The following PDE4D variants were observed in gnomAD, a reference collection of about 807,000 sequenced individuals.
PDE4D encodes the protein phosphodiesterase 4D.
A neutral mutation model predicts 87.4 loss-of-function variants in PDE4D; 24 were observed. The ratio of observed to expected loss-of-function variants is 0.27; its 90% confidence interval spans 0.20 to 0.39. PDE4D has a LOEUF of 0.39. PDE4D is among the 10% of genes least tolerant of loss of function. The pLI, the probability that PDE4D is intolerant of heterozygous loss-of-function variation, is 1.00. For synonymous variants in PDE4D, 384 were observed against 383.2 expected (o/e 1.00, Z -0.02); for missense variants, 714 against 1,041.0 (o/e 0.69, Z 4.32).
chr5:59,451,570 G>C (rs1446117863), intron 1 of PDE4D, among the ~76,000 whole-genome samples: 1 of 152,132 alleles, frequency 6.6e-6, no homozygotes, highest in Non-Finnish European at 1.5e-5. Context: ...CTACCCAGTT[G>C]CTCTGTTTTG....
chr5:60,425,632 C>A (rs1743638864), intron 1 of PDE4D, among the ~76,000 whole-genome samples: 1 of 152,098 alleles, frequency 6.6e-6, no homozygotes. Context: ...GCAAGGACTT[C>A]ATGACTAAAA....
At chr5:59,511,003 ATTAATAAGTAAG>A (rs1810198079) in intron 1 of PDE4D, among the ~76,000 whole-genome samples, 1 of 152,010 alleles carries the variant, frequency 6.6e-6, no homozygotes, top group African/African-American at 2.4e-5. Context: ...ATAAAATAAG[ATTAATAAGTAAG>A]TTATCAAGCA....
chr5:59,253,053 C>T (rs1760288934), intron 1 of PDE4D, among the ~76,000 whole-genome samples: 1 of 152,092 alleles, frequency 6.6e-6, no homozygotes, highest in South Asian at 2.1e-4. Flanking sequence ...TCACATTATA[C>T]ATAAAAATGT....
intron 1 of PDE4D, among the ~76,000 whole-genome samples, chr5:60,301,618 G>C (rs1403444068): frequency 6.6e-6 from 1 of 152,126 alleles, no homozygotes; most frequent in Non-Finnish European, 1.5e-5. Context: ...GAAACTATCT[G>C]TTTTCTAGAT....
chr5:59,500,696 C>T (rs1808152510), intron 1 of PDE4D, among the ~76,000 whole-genome samples: 1 of 152,144 alleles, frequency 6.6e-6, no homozygotes, highest in South Asian at 2.1e-4. Context: ...AAGCCCAAAC[C>T]TCAGCTTCAC....
rs1038568727 is a variant in PDE4D at position 59,516,569 on chromosome 5, A to AT, written c.456-300602dup. On this transcript the variant is annotated intron_variant, in intron 1 of 14. Coordinates refer to ENST00000340635, the MANE Select transcript of PDE4D (RefSeq NM_001104631.2). Reference sequence around the variant, plus strand: ...CATAGAAAAAAACTGCTACTAAAGTATTTTTTTAAGAATCATTCTTTTCTT... The same window carrying AT: ...CATAGAAAAAAACTGCTACTAAAGTATTTTTTTTAAGAATCATTCTTTTCTT... Among the ~76,000 whole-genome samples the AT allele has an allele frequency of 1.1e-4, 17 of 152,194 alleles. 1 individual carries two copies. Among genetic ancestry groups the AT allele is most frequent in the Non-Finnish European group, 7.3e-5 (5 of 68,028 alleles).
At chr5:60,253,585 GA>G (rs1198997195) in intron 1 of PDE4D, among the ~76,000 whole-genome samples, 2 of 151,682 alleles carry the variant, frequency 1.3e-5, no homozygotes, top group South Asian at 2.1e-4. Context: ...TATGAGAAAG[GA>G]AAAAAATTCC....
chr5:60,382,950 A>C (rs924758336), intron 1 of PDE4D, among the ~76,000 whole-genome samples: 1 of 152,102 alleles, frequency 6.6e-6, no homozygotes, highest in Non-Finnish European at 1.5e-5. Flanking sequence ...GTAACATTCA[A>C]ACTAGTGTCT....
At chr5:59,990,229 C>T (rs1762869197) in intron 2 of PDE4D, among the ~76,000 whole-genome samples, 1 of 152,112 alleles carries the variant, frequency 6.6e-6, no homozygotes, top group South Asian at 2.1e-4. Flanking sequence ...ATAATATTTA[C>T]CTCTCGGAGT....
In PDE4D at chr5:60,453,932, C is replaced by G. The variant is rs144254357; in HGVS notation, c.-90+34010G>C. 3.3e-5 allele frequency among the ~76,000 whole-genome samples: 5 copies of G among 152,242 alleles called. No individual in the cohort carries two copies. The East Asian group carries it at 9.7e-4, about 29-fold the overall frequency. ...GCACCATAGAAGCAGACATACATGT[C>G]TGTAACTTATGATGGCTTATTTATT... On this transcript the variant is annotated intron_variant, in intron 1 of 16. Transcript: ENST00000502484.
intron 1 of PDE4D, among the ~76,000 whole-genome samples, chr5:60,377,890 C>A (rs1489656755): frequency 3.3e-5 from 5 of 152,148 alleles, no homozygotes; most frequent in Non-Finnish European, 5.9e-5. Context: ...AAAGATGATC[C>A]ATCTTCTCAA....
At chr5:59,572,528 C>A (rs898016328) in intron 1 of PDE4D, among the ~76,000 whole-genome samples, 1 of 152,022 alleles carries the variant, frequency 6.6e-6, no homozygotes, top group Admixed American at 6.6e-5. Flanking sequence ...TCGCCCAGGC[C>A]GGACTGCAGT....
intron 1 of PDE4D, among the ~76,000 whole-genome samples, chr5:60,193,669 CAAAAAAA>C (rs35340734): frequency 9.0e-4 from 42 of 46,890 alleles, no homozygotes; most frequent in South Asian, 1.1e-3. Context: ...GACTCCGTCT[CAAAAAAA>C]AAAAAAAAAA....
At chr5:59,537,727 T>C (rs1032992154) in intron 1 of PDE4D, among the ~76,000 whole-genome samples, 6 of 152,356 alleles carry the variant, frequency 3.9e-5, no homozygotes, top group Non-Finnish European at 7.3e-5. Flanking sequence ...ACTTATTTGA[T>C]ATGATAGAAG....
intron 3 of PDE4D, among the ~76,000 whole-genome samples, chr5:59,932,512 A>G (rs569547307): frequency 9.2e-5 from 14 of 152,346 alleles, no homozygotes; most frequent in African/African-American, 3.4e-4. Context: ...TCAGGTGAGG[A>G]AACTGAGGCA....
At chr5:59,170,521 G>C (rs1411041989) in intron 5 of PDE4D, among the ~76,000 whole-genome samples, 1 of 152,104 alleles carries the variant, frequency 6.6e-6, no homozygotes, top group East Asian at 1.9e-4. Context: ...ACTAACAACT[G>C]GGACCTGAGA....
At chr5:60,329,656 T>TA (rs1730502420) in intron 1 of PDE4D, among the ~76,000 whole-genome samples, 2 of 152,146 alleles carry the variant, frequency 1.3e-5, no homozygotes, top group South Asian at 4.1e-4. Context: ...AAGCAAAGGG[T>TA]AAAGAAATTG....
chr5:59,140,948 T>C (rs539529179), intron 5 of PDE4D, among the ~76,000 whole-genome samples: 52 of 152,300 alleles, frequency 3.4e-4, no homozygotes, highest in Non-Finnish European at 4.7e-4. Flanking sequence ...ATTATATATA[T>C]GCATACAAGT....
At chr5:59,574,941 T>C (rs997202399) in intron 1 of PDE4D, among the ~76,000 whole-genome samples, 12 of 152,188 alleles carry the variant, frequency 7.9e-5, no homozygotes, top group African/African-American at 2.7e-4. Context: ...TATACATATA[T>C]AGTGTGATTA....
Sources: allele counts gnomAD v4.1 joint callset (sites outside exome capture counted in the v4.1 genomes callset), GRCh38; gene constraint gnomAD v4.1.1; transcripts MANE v1.5; gene names NCBI Gene and HGNC (gene_info 2026-07-23, HGNC 2026-07-21).